The following DOCK9 variants were observed in gnomAD, a reference collection of about 807,000 sequenced individuals.
DOCK9 encodes the protein dedicator of cytokinesis protein 9.
DOCK9 carries 89 observed loss-of-function variants against 263.3 expected under a neutral mutation model. The observed-to-expected ratio is 0.34, with a 90% CI of 0.28 to 0.40. The LOEUF is 0.40. Among genes scored for constraint, DOCK9 ranks in the 10% least tolerant of loss-of-function variants. The pLI is 1.00. For missense variants in DOCK9, 2,140 were observed against 2,603.4 expected (o/e 0.82, Z 3.87); for synonymous variants, 976 against 973.1 (o/e 1.00, Z -0.06).
intron 45 of DOCK9, among the ~76,000 whole-genome samples, chr13:98,819,753 GT>G (rs1195019758): frequency 3.9e-5 from 6 of 152,188 alleles, no homozygotes; most frequent in Non-Finnish European, 8.8e-5. Flanking sequence ...AGCTCTAAAG[GT>G]TTAACCACCA....
Position 98,793,519 on chromosome 13 carries a change from G to C in DOCK9, c.*1107C>G, listed in dbSNP as rs890216511. The C allele has an allele frequency of 3.9e-5, 6 of 152,376 alleles. No individual in the cohort carries two copies. The highest frequency in any genetic ancestry group is 1.5e-4 in the African/African-American group (6 of 41,376). The allele number at this position is 152,376 out of a possible 1,614,324, so 9.4% of individuals were successfully genotyped here. ...AGCAATGTCTTTTTAATACAGATGTGGTACAGAATGTTTAATTACAGCAGG... is the reference window on the plus strand; with the variant it reads ...AGCAATGTCTTTTTAATACAGATGTCGTACAGAATGTTTAATTACAGCAGG... On this transcript the variant is annotated 3_prime_UTR_variant, in exon 53 of 53. Transcript: ENST00000682017.
chr13:98,929,400 A>C (rs533399906), intron 3 of DOCK9, among the ~76,000 whole-genome samples: 13 of 152,182 alleles, frequency 8.5e-5, no homozygotes, highest in Admixed American at 7.2e-4. Flanking sequence ...AAGGTTAGCC[A>C]GGCGTGGTGG....
intron 3 of DOCK9, among the ~76,000 whole-genome samples, chr13:98,929,432 A>G (rs1348969301): frequency 6.6e-6 from 1 of 152,120 alleles, no homozygotes; most frequent in Admixed American, 6.5e-5. Context: ...AATCCCAGCT[A>G]CTTGGGAGGC....
chr13:99,080,306 C>T (rs982331433), intron 1 of DOCK9, among the ~76,000 whole-genome samples: 2 of 152,292 alleles, frequency 1.3e-5, no homozygotes, highest in East Asian at 1.9e-4. Context: ...CACGTCACAC[C>T]TCCCATCCCA....
At chr13:98,843,989 G>A (rs1463311947) in intron 38 of DOCK9, among the ~76,000 whole-genome samples, 1 of 152,192 alleles carries the variant, frequency 6.6e-6, no homozygotes. Flanking sequence ...GTGCTTCAAA[G>A]TTTAAGCATT....
intron 7 of DOCK9, 127 bp from the exon 8 acceptor site, chr13:98,915,630 C>T: frequency 1.7e-5 from 14 of 842,622 alleles, no homozygotes; most frequent in Non-Finnish European, 2.2e-5. Flanking sequence ...AAATAGCTTG[C>T]CCCCTCCTCA....
At chr13:98,940,430 G>A (rs1352780456) in intron 2 of DOCK9, among the ~76,000 whole-genome samples, 1 of 151,994 alleles carries the variant, frequency 6.6e-6, no homozygotes, top group African/African-American at 2.4e-5. Flanking sequence ...ATAGGGTCTC[G>A]CTCTGTTGCC....
At chr13:98,903,137 A>C in intron 10 of DOCK9, 25 bp from the exon 11 acceptor site, 1 of 1,475,286 alleles carries the variant, frequency 6.8e-7, no homozygotes, top group South Asian at 1.4e-5. Context: ...GTAAACATAT[A>C]AATAAGTTAT....
chr13:99,016,325 G>T (rs1406194811), intron 1 of DOCK9, among the ~76,000 whole-genome samples: 1 of 152,114 alleles, frequency 6.6e-6, no homozygotes, highest in African/African-American at 2.4e-5. Flanking sequence ...AAACCACAAG[G>T]GAACACAACA....
chr13:98,999,175 G>A (rs1249314076), intron 1 of DOCK9, among the ~76,000 whole-genome samples: 1 of 152,066 alleles, frequency 6.6e-6, no homozygotes, highest in Non-Finnish European at 1.5e-5. Flanking sequence ...TGAGTTCCTT[G>A]AATAGTCTTT....
chr13:98,932,194 A>T (rs1471494593), intron 2 of DOCK9, among the ~76,000 whole-genome samples: 1 of 149,308 alleles, frequency 6.7e-6, no homozygotes, highest in African/African-American at 2.5e-5. Flanking sequence ...GGAGTTCCAG[A>T]CCAGCCTGGC....
At chr13:98,898,687 G>A (rs2047799703) in intron 13 of DOCK9, among the ~76,000 whole-genome samples, 1 of 152,172 alleles carries the variant, frequency 6.6e-6, no homozygotes, top group Non-Finnish European at 1.5e-5. Flanking sequence ...AGCTTTCACA[G>A]CTCCTAAAGC....
At chr13:98,896,864 C>T (rs1192901007) in intron 15 of DOCK9, among the ~76,000 whole-genome samples, 1 of 152,126 alleles carries the variant, frequency 6.6e-6, no homozygotes, top group South Asian at 2.1e-4. Context: ...TAAATGTGAC[C>T]TATTTGGAAA....
At chr13:98,977,550 A>G (rs1875261672) in intron 1 of DOCK9, among the ~76,000 whole-genome samples, 1 of 152,236 alleles carries the variant, frequency 6.6e-6, no homozygotes, top group South Asian at 2.1e-4. Flanking sequence ...TGTCCCATAC[A>G]AAGAAACCTC....
intron 1 of DOCK9, among the ~76,000 whole-genome samples, chr13:99,008,850 G>T (rs1028393547): frequency 1.3e-5 from 2 of 152,086 alleles, no homozygotes; most frequent in African/African-American, 2.4e-5. Context: ...ATGACTTCAC[G>T]TAACCTTAAT....
At chr13:98,821,434 A>C (rs2092268973) in intron 45 of DOCK9, among the ~76,000 whole-genome samples, 1 of 152,182 alleles carries the variant, frequency 6.6e-6, no homozygotes, top group African/African-American at 2.4e-5. Flanking sequence ...GGGGCACTGC[A>C]ACATCCCTTG....
intron 1 of DOCK9, among the ~76,000 whole-genome samples, chr13:98,984,782 A>T (rs1878049760): frequency 6.6e-6 from 1 of 152,166 alleles, no homozygotes; most frequent in African/African-American, 2.4e-5. Context: ...CACAGACTTT[A>T]CCTGTAAAAT....
chr13:99,066,455 T>G (rs1163737898), intron 1 of DOCK9, among the ~76,000 whole-genome samples: 1 of 152,228 alleles, frequency 6.6e-6, no homozygotes, highest in African/African-American at 2.4e-5. Context: ...GAAAACTGGT[T>G]TCATTTTCAA....
intron 1 of DOCK9, among the ~76,000 whole-genome samples, chr13:99,051,139 C>T (rs1478360978): frequency 2.0e-5 from 3 of 152,316 alleles, no homozygotes; most frequent in East Asian, 3.9e-4. Context: ...CCACTGTCAC[C>T]TGAAGCAATG....
Sources: allele counts gnomAD v4.1 joint callset (sites outside exome capture counted in the v4.1 genomes callset), GRCh38; gene constraint gnomAD v4.1.1; transcripts MANE v1.5; gene names NCBI Gene and HGNC (gene_info 2026-07-23, HGNC 2026-07-21).